The following CNGA1 variants were observed in gnomAD, a reference collection of about 807,000 sequenced individuals.
CNGA1 encodes cyclic nucleotide gated channel subunit alpha 1.
A neutral mutation model predicts 69.7 loss-of-function variants in CNGA1; 53 were observed. That is an observed-to-expected ratio of 0.76 (90% confidence interval 0.61 to 0.96). The LOEUF (loss-of-function observed/expected upper bound fraction) is 0.96, where lower values mean the gene tolerates loss of function less well. CNGA1 is among the 40% of genes least tolerant of loss of function. CNGA1 has a pLI of 0.00. For synonymous variants in CNGA1, 249 were observed against 283.5 expected, an observed-to-expected ratio of 0.88 and a Z score of 1.22; for missense variants, 739 against 811.2, an observed-to-expected ratio of 0.91 and a Z score of 1.08.
At chr4:47,963,114 C>T (rs1260301725) in intron 3 of CNGA1, among the ~76,000 whole-genome samples, 1 of 152,122 alleles carries the variant, frequency 6.6e-6, no homozygotes, top group Non-Finnish European at 1.5e-5. Flanking sequence ...CGTACCACCA[C>T]ATTTGGCTAA....
intron 1 of CNGA1, among the ~76,000 whole-genome samples, chr4:48,013,456 G>T (rs1715251176): frequency 2.0e-5 from 3 of 152,210 alleles, no homozygotes; most frequent in African/African-American, 7.2e-5. Context: ...GATGAACATT[G>T]GTTCTGTCTG....
chr4:47,999,360 G>A (rs1714557638), intron 2 of CNGA1, among the ~76,000 whole-genome samples: 1 of 152,146 alleles, frequency 6.6e-6, no homozygotes, highest in East Asian at 1.9e-4. Flanking sequence ...TGCCATATAA[G>A]TCTTAAAAGA....
At chr4:47,976,300 T>C (rs1353173473) in intron 3 of CNGA1, among the ~76,000 whole-genome samples, 1 of 36,542 alleles carries the variant, frequency 2.7e-5, no homozygotes, top group Admixed American at 3.5e-4. Context: ...TATATACACA[T>C]ACATATATAT....
chr4:47,945,965 T>A (rs1235701566), intron 6 of CNGA1, among the ~76,000 whole-genome samples: 1 of 152,150 alleles, frequency 6.6e-6, no homozygotes, highest in Non-Finnish European at 1.5e-5. Context: ...AAGTGTAATG[T>A]ACATAATTCC....
At chr4:48,016,437 A>C (rs1479945581) in intron 1 of CNGA1, 46 bp downstream of exon 1, 3 of 217,684 alleles carry the variant, frequency 1.4e-5, no homozygotes, top group South Asian at 1.0e-4. Flanking sequence ...AGGAGCCAGA[A>C]GGGGGCCTCA....
At chr4:47,996,580 A>G (rs185237519) in intron 2 of CNGA1, among the ~76,000 whole-genome samples, 4 of 152,330 alleles carry the variant, frequency 2.6e-5, no homozygotes, top group East Asian at 1.9e-4. Context: ...TACAGTAAAT[A>G]TTAAGATTAT....
chr4:48,016,571 G>C lies in CNGA1; in HGVS notation c.-311C>G, dbSNP rs1323733284. The C allele has an allele frequency of 2.8e-5, 14 of 495,406 alleles. No individual in the cohort carries two copies. Among genetic ancestry groups the C allele is most frequent in the Non-Finnish European group, 3.2e-5 (9 of 283,548 alleles). 30.7% of individuals were successfully genotyped at this position (495,406 alleles called of 1,614,324 possible). On this transcript the variant is annotated 5_prime_UTR_variant, in exon 1 of 11. Transcript: ENST00000514170. ...TTCGCGGCTCCAGCAGTCGCGCCAA[G>C]GGGCAGCTGCTACTCCTGCCAGATA...
At chr4:47,968,764 G>T (rs893318187) in intron 3 of CNGA1, among the ~76,000 whole-genome samples, 1 of 152,120 alleles carries the variant, frequency 6.6e-6, no homozygotes, top group Non-Finnish European at 1.5e-5. Flanking sequence ...AGGGGCCTGG[G>T]TAAGTAGGAT....
At chr4:47,997,360 C>T (rs960841025) in intron 2 of CNGA1, among the ~76,000 whole-genome samples, 35 of 152,114 alleles carry the variant, frequency 2.3e-4, no homozygotes, top group Admixed American at 1.7e-3. Flanking sequence ...TAAAATCAAA[C>T]TAATGAGCTG....
intron 3 of CNGA1, among the ~76,000 whole-genome samples, chr4:47,963,955 CCAAA>C (rs1740594435): frequency 6.6e-6 from 1 of 151,744 alleles, no homozygotes; most frequent in African/African-American, 2.4e-5. Context: ...ACTCCAGTAC[CCAAA>C]CAATTAATGA....
chr4:47,978,863 C>T (rs777658994), intron 3 of CNGA1, among the ~76,000 whole-genome samples: 1 of 151,282 alleles, frequency 6.6e-6, no homozygotes, highest in Non-Finnish European at 1.5e-5. Flanking sequence ...TTTATCAAGA[C>T]TATATCATTG....
chr4:48,006,914 CA>C (rs921528536), intron 2 of CNGA1, among the ~76,000 whole-genome samples: 1 of 150,302 alleles, frequency 6.7e-6, no homozygotes, highest in Admixed American at 6.6e-5. Context: ...TGTGCCCAGC[CA>C]AAAAAAAGAC....
chr4:48,004,006 G>A (rs7676080), intron 2 of CNGA1, among the ~76,000 whole-genome samples: 1 of 152,222 alleles, frequency 6.6e-6, no homozygotes, highest in Non-Finnish European at 1.5e-5. Flanking sequence ...ATCTCTCTGT[G>A]ATGCTGTGCT....
intron 2 of CNGA1, among the ~76,000 whole-genome samples, chr4:47,988,140 G>A (rs1221241591): frequency 3.3e-5 from 5 of 152,116 alleles, no homozygotes; most frequent in Non-Finnish European, 7.4e-5. Context: ...TTTGGTGATT[G>A]ATTGTTTGTG....
In CNGA1 at chr4:47,936,834, C is replaced by T. The variant is rs1738677183; in HGVS notation, c.1648G>A (p.Gly550Arg). Residue 550 changes from glycine (G) to arginine (R), a missense_variant, in exon 11 of 11, where the codon GGG becomes AGG. Coordinates refer to ENST00000514170, the MANE Select transcript of CNGA1 (RefSeq NM_001379270.1). ...GTTCTTCGATTGCCAGCTTTGCTCC[C>T]TTTAATGTTAAGAATGCTGATCTCA... ...FGEISILNIKGSKAGNRRTAN... is the reference protein window; with the variant it reads ...FGEISILNIKRSKAGNRRTAN... The T allele has an allele frequency of 6.2e-7, 1 of 1,614,102 alleles. No homozygotes were observed. The highest frequency in any genetic ancestry group is 8.5e-7 in the Non-Finnish European group (1 of 1,180,028).
At chr4:47,941,294 C>T (rs1396025259) in intron 9 of CNGA1, among the ~76,000 whole-genome samples, 1 of 151,876 alleles carries the variant, frequency 6.6e-6, no homozygotes, top group African/African-American at 2.4e-5. Context: ...TCACATGTAC[C>T]CGATAAATTT....
At chr4:47,994,179 A>T (rs949645874) in intron 2 of CNGA1, among the ~76,000 whole-genome samples, 1 of 152,220 alleles carries the variant, frequency 6.6e-6, no homozygotes, top group African/African-American at 2.4e-5. Context: ...TTCTGTATAT[A>T]TCTGTTAAGT....
intron 6 of CNGA1, among the ~76,000 whole-genome samples, chr4:47,945,047 G>C (rs1253151900): frequency 6.6e-6 from 1 of 152,006 alleles, no homozygotes; most frequent in Non-Finnish European, 1.5e-5. Flanking sequence ...AGGAGGTTGA[G>C]GGCAACTTAC....
At chr4:47,950,008 A>T in intron 5 of CNGA1, 113 bp from the exon 6 acceptor site, 1 of 818,250 alleles carries the variant, frequency 1.2e-6, no homozygotes, top group Non-Finnish European at 2.1e-6. Flanking sequence ...TCATTACTAA[A>T]GACTATGTAG....
Sources: gnomAD v4.1 joint callset for allele counts (sites outside exome capture counted in the v4.1 genomes callset) on GRCh38, gnomAD v4.1.1 for gene constraint, MANE v1.5 for transcripts, NCBI Gene and HGNC (gene_info 2026-07-23, HGNC 2026-07-21) for gene names.